MAF: variants seen among roughly 807,000 people sequenced by gnomAD.
The protein encoded by MAF is MAF bZIP transcription factor.
Under a neutral mutation model 22.0 loss-of-function variants are expected in MAF, and 10 were observed. The observed-to-expected ratio is 0.45, with a 90% CI of 0.28 to 0.77. MAF has a LOEUF of 0.77. Ranked by LOEUF, MAF falls within the 30% of genes least tolerant of loss-of-function variation. The pLI is 0.12. For synonymous variants in MAF, 337 were observed against 255.8 expected (o/e 1.32, Z -3.03); for missense variants, 544 against 548.4 (o/e 0.99, Z 0.08).
At chr16:79,238,786 T>G in the MAF span, among the ~76,000 whole-genome samples, 1 of 152,076 alleles carries the variant, frequency 6.6e-6, no homozygotes, top group Non-Finnish European at 1.5e-5. Context: ...GTATTTTTAT[T>G]TGCTAAATCT....
At chr16:79,379,306 G>C in the MAF span, among the ~76,000 whole-genome samples, 1 of 152,206 alleles carries the variant, frequency 6.6e-6, no homozygotes. Context: ...ATGCTGAAAT[G>C]GGAGCACTGG....
chr16:79,495,886 A>G, the MAF span, among the ~76,000 whole-genome samples: 327 of 152,316 alleles, frequency 2.1e-3, 2 homozygotes, highest in African/African-American at 7.6e-3. Flanking sequence ...AATCAGAAAT[A>G]TCTCTGCCTT....
the MAF span, among the ~76,000 whole-genome samples, chr16:79,406,989 T>C: frequency 6.6e-6 from 1 of 152,092 alleles, no homozygotes; most frequent in African/African-American, 2.4e-5. Context: ...GCAGGGACAG[T>C]AGGCTGCCGG....
chr16:79,399,866 C>A, the MAF span, among the ~76,000 whole-genome samples: 3 of 152,198 alleles, frequency 2.0e-5, no homozygotes, highest in Non-Finnish European at 2.9e-5. Context: ...CTCAACTTTT[C>A]ATCTCTAAAG....
At chr16:79,465,787 G>C in the MAF span, among the ~76,000 whole-genome samples, 2 of 152,040 alleles carry the variant, frequency 1.3e-5, no homozygotes, top group Admixed American at 6.5e-5. Flanking sequence ...GCTGTAGTAG[G>C]GTCTATCTCC....
At chr16:79,453,551 A>G in the MAF span, among the ~76,000 whole-genome samples, 2 of 152,242 alleles carry the variant, frequency 1.3e-5, no homozygotes, top group African/African-American at 4.8e-5. Context: ...CATTTTATGT[A>G]ATAAAAAACA....
the MAF span, among the ~76,000 whole-genome samples, chr16:79,523,021 T>TA: frequency 6.6e-6 from 1 of 152,204 alleles, no homozygotes; most frequent in Non-Finnish European, 1.5e-5. Flanking sequence ...TTTTGAGGAT[T>TA]TACTTCATGA....
At chr16:79,471,660 C>A in the MAF span, among the ~76,000 whole-genome samples, 11 of 152,098 alleles carry the variant, frequency 7.2e-5, no homozygotes, top group Non-Finnish European at 1.6e-4. Context: ...CTGGGCATCA[C>A]GGCAAGGCAC....
chr16:79,404,172 T>G, the MAF span, among the ~76,000 whole-genome samples: 1 of 150,604 alleles, frequency 6.6e-6, no homozygotes, highest in Non-Finnish European at 1.5e-5. Flanking sequence ...TTCTTTTTTT[T>G]TTTTTTTTTT....
chr16:79,415,841 C>G, the MAF span, among the ~76,000 whole-genome samples: 1 of 151,988 alleles, frequency 6.6e-6, no homozygotes, highest in Non-Finnish European at 1.5e-5. Flanking sequence ...AATGGCAACT[C>G]TCAAGTCACA....
chr16:79,217,693 T>C, the MAF span, among the ~76,000 whole-genome samples: 2 of 151,738 alleles, frequency 1.3e-5, no homozygotes, highest in African/African-American at 4.8e-5. Context: ...TCTCTCTCCC[T>C]AAGTTTCTTT....
the MAF span, among the ~76,000 whole-genome samples, chr16:79,543,526 C>T: frequency 5.9e-5 from 9 of 152,194 alleles, no homozygotes; most frequent in African/African-American, 2.2e-4. Flanking sequence ...AAAGCCTTTG[C>T]GGGCAGGACA....
the MAF span, among the ~76,000 whole-genome samples, chr16:79,427,902 G>A: frequency 6.6e-6 from 1 of 152,052 alleles, no homozygotes; most frequent in African/African-American, 2.4e-5. Flanking sequence ...CCTAGGGGAT[G>A]CTTAACAGAT....
At chr16:79,315,673 T>C in the MAF span, among the ~76,000 whole-genome samples, 1 of 152,198 alleles carries the variant, frequency 6.6e-6, no homozygotes, top group Admixed American at 6.5e-5. Context: ...ATGTTTTAAT[T>C]ACACTGCCAA....
the MAF span, among the ~76,000 whole-genome samples, chr16:79,579,474 C>T: frequency 5.5e-4 from 83 of 152,160 alleles, no homozygotes; most frequent in African/African-American, 1.9e-3. Flanking sequence ...GAGCAAAACC[C>T]CAAAGTCGGT....
chr16:79,384,180 A>G, the MAF span, among the ~76,000 whole-genome samples: 1 of 152,174 alleles, frequency 6.6e-6, no homozygotes, highest in Non-Finnish European at 1.5e-5. Flanking sequence ...GTGGTGACTC[A>G]CGCTTGTAAT....
At chr16:79,582,644 A>G (rs1332262390), downstream of MAF, among the ~76,000 whole-genome samples, 1 of 152,254 alleles carries the variant, frequency 6.6e-6, no homozygotes, top group African/African-American at 2.4e-5. Flanking sequence ...TATAATCCAA[A>G]TAAGCAACAA....
At chr16:79,387,261 T>A in the MAF span, among the ~76,000 whole-genome samples, 4 of 152,188 alleles carry the variant, frequency 2.6e-5, no homozygotes, top group Non-Finnish European at 1.5e-5. Flanking sequence ...TGGTTGTTTA[T>A]CCCATCTCTG....
the MAF span, among the ~76,000 whole-genome samples, chr16:79,233,526 G>C: frequency 6.6e-6 from 1 of 152,030 alleles, no homozygotes; most frequent in Non-Finnish European, 1.5e-5. Context: ...CAGTAGCTAA[G>C]CATCACTGGC....
Sources: allele counts gnomAD v4.1 joint callset (sites outside exome capture counted in the v4.1 genomes callset), GRCh38; gene constraint gnomAD v4.1.1; transcripts MANE v1.5; gene names NCBI Gene and HGNC (gene_info 2026-07-23, HGNC 2026-07-21).